The following WDR20 variants were observed in gnomAD, a reference collection of about 807,000 sequenced individuals.
WDR20 encodes the protein WD repeat domain 20.
WDR20 carries 3 observed loss-of-function variants against 38.7 expected under a neutral mutation model. The ratio of observed to expected loss-of-function variants is 0.08; its 90% CI spans 0.04 to 0.20. The LOEUF is 0.20. WDR20 is among the 10% of genes least tolerant of loss of function. The probability of loss-of-function intolerance (pLI) is 1.00; values close to 1 mark genes in which losing one functional copy is unlikely to be tolerated. For missense variants in WDR20, 559 were observed against 727.7 expected (o/e 0.77, Z 2.67); for synonymous variants, 298 against 285.6 (o/e 1.04, Z -0.44).
chr14:102,163,627 C>CAAAA (rs58628061), intron 1 of WDR20, among the ~76,000 whole-genome samples: 1,697 of 62,798 alleles, frequency 0.027, 251 homozygotes, highest in Middle Eastern at 0.052. Context: ...GACTCTGTCT[C>CAAAA]AAAAAAAAAA....
chr14:102,212,489 C>T (rs1338893529), downstream of WDR20: 1 of 1,535,028 alleles, frequency 6.5e-7, no homozygotes, highest in Non-Finnish European at 8.7e-7. Flanking sequence ...GTCCACTCTG[C>T]CCCTCTGACT....
intron 2 of WDR20, among the ~76,000 whole-genome samples, chr14:102,202,964 C>G (rs1567037026): frequency 6.6e-6 from 1 of 152,202 alleles, no homozygotes. Context: ...GGGGTCTTTA[C>G]ACACCCCCGC....
chr14:102,143,379 ATTTAAAGACAGTAT>A (rs1230686341), intron 1 of WDR20, among the ~76,000 whole-genome samples: 1 of 49,004 alleles, frequency 2.0e-5, no homozygotes. Context: ...TTGCAAATTT[ATTTAAAGACAGTAT>A]TAACATTGAT....
chr14:102,186,563 G>C (rs768817162), intron 1 of WDR20, among the ~76,000 whole-genome samples: 3 of 151,840 alleles, frequency 2.0e-5, no homozygotes, highest in African/African-American at 2.4e-5. Flanking sequence ...GGTTTCACCA[G>C]GGTGACAAGC....
At chr14:102,185,387 C>A (rs1234431544) in intron 1 of WDR20, among the ~76,000 whole-genome samples, 1 of 152,012 alleles carries the variant, frequency 6.6e-6, no homozygotes, top group South Asian at 2.1e-4. Context: ...ATATTTGAGT[C>A]CCACTTCAAG....
chr14:102,143,078 T>C (rs1413671482), intron 1 of WDR20, among the ~76,000 whole-genome samples: 3 of 152,084 alleles, frequency 2.0e-5, no homozygotes, highest in Non-Finnish European at 2.9e-5. Context: ...GAAGGAACTT[T>C]AGAGTTTGTT....
intron 1 of WDR20, among the ~76,000 whole-genome samples, chr14:102,146,267 C>T (rs1373246952): frequency 2.0e-5 from 3 of 152,020 alleles, no homozygotes; most frequent in Admixed American, 6.6e-5. Context: ...GGGTTTTAAG[C>T]GATTCTCCTG....
At chr14:102,197,929 C>T (rs1426169538) in intron 2 of WDR20, 1 of 643,720 alleles carries the variant, frequency 1.6e-6, no homozygotes, top group African/African-American at 1.8e-5. Flanking sequence ...ATGCCCAGCA[C>T]TGGGTCTGCA....
Position 102,207,328 on chromosome 14 carries a change from G to A in WDR20, c.433-1275G>A, listed in dbSNP as rs1282209371. 6.6e-6 allele frequency among the ~76,000 whole-genome samples: 1 copy of A among 152,220 alleles called. No homozygotes were observed. The stretch of plus-strand genomic sequence containing the variant: ...GCATGGCTCATTAATTTCTTTCCCA[G>A]CCGTTCTTTTAAAAATCAAGTCGTC... On this transcript the variant is annotated intron_variant, in intron 2 of 2. Coordinates refer to ENST00000342702, the MANE Select transcript of WDR20 (RefSeq NM_144574.4). This position sits in a 1 kb window ranked among gnomAD's most constrained non-coding sequence, Gnocchi z 5.0.
intron 1 of WDR20, among the ~76,000 whole-genome samples, chr14:102,151,327 C>G (rs2055775151): frequency 6.6e-6 from 1 of 152,084 alleles, no homozygotes; most frequent in South Asian, 2.1e-4. Flanking sequence ...ATGACTGATA[C>G]TGATGTGATT....
upstream of WDR20, chr14:102,139,634 A>G (rs1361614572): frequency 1.6e-6 from 1 of 642,516 alleles, no homozygotes; most frequent in African/African-American, 1.8e-5. Context: ...AGACCCCACT[A>G]GCTGAAGCCG....
intron 1 of WDR20, among the ~76,000 whole-genome samples, chr14:102,146,195 G>A (rs969954359): frequency 3.3e-5 from 5 of 151,988 alleles, no homozygotes; most frequent in Non-Finnish European, 5.9e-5. Flanking sequence ...ACGAAGTCTT[G>A]CTCTGTCGCC....
downstream of WDR20, chr14:102,212,663 T>C: frequency 6.6e-7 from 1 of 1,519,630 alleles, no homozygotes; most frequent in Non-Finnish European, 8.8e-7. Flanking sequence ...TTCTGAGTAA[T>C]GGCTCCCGCA....
intron 1 of WDR20, among the ~76,000 whole-genome samples, chr14:102,165,256 G>T (rs1247287094): frequency 1.3e-5 from 2 of 152,130 alleles, no homozygotes; most frequent in Non-Finnish European, 2.9e-5. Context: ...TTCTGCTGCT[G>T]CTTGGGTGGC....
chr14:102,147,253 A>G lies in WDR20; in HGVS notation c.249+7081A>G, dbSNP rs143925307. ...CTACTAAAAATACAAAAATTAGCCA[A>G]GTATGGTGGCGCATGCCTGTAATCC... On this transcript the variant is annotated intron_variant, in intron 1 of 2. Transcript: ENST00000342702. 7.4e-3 allele frequency among the ~76,000 whole-genome samples: 1,132 copies of G among 152,274 alleles called. 16 individuals carry two copies. Among genetic ancestry groups the G allele is most frequent in the African/African-American group, 0.025 (1,059 of 41,556 alleles).
intron 1 of WDR20, among the ~76,000 whole-genome samples, chr14:102,163,051 G>T (rs764194291): frequency 2.6e-5 from 4 of 152,256 alleles, no homozygotes; most frequent in Admixed American, 2.6e-4. Flanking sequence ...TTCAATATCT[G>T]TTCCCACCAA....
At chr14:102,176,309 C>T (rs923673617) in intron 1 of WDR20, among the ~76,000 whole-genome samples, 7 of 152,028 alleles carry the variant, frequency 4.6e-5, no homozygotes, top group Non-Finnish European at 8.8e-5. Flanking sequence ...GCAGGAGAAT[C>T]GCTTGAACCC....
At chr14:102,139,718 G>A (rs944697852), upstream of WDR20, 6 of 766,854 alleles carry the variant, frequency 7.8e-6, no homozygotes, top group African/African-American at 8.8e-5. Flanking sequence ...CCAGTCGGGT[G>A]GAGCACGCCA....
At chr14:102,169,438 ATCTG>A (rs1340644590) in intron 1 of WDR20, among the ~76,000 whole-genome samples, 1 of 152,092 alleles carries the variant, frequency 6.6e-6, no homozygotes, top group Non-Finnish European at 1.5e-5. Flanking sequence ...GGAGGGCTTT[ATCTG>A]TCTTTGTTGG....
Sources: gnomAD v4.1 joint callset for allele counts (sites outside exome capture counted in the v4.1 genomes callset) on GRCh38, gnomAD v4.1.1 for gene constraint, Gnocchi (gnomAD v3.1) non-coding constraint, MANE v1.5 for transcripts, NCBI Gene and HGNC (gene_info 2026-07-23, HGNC 2026-07-21) for gene names.